The following RPTOR variants were observed in gnomAD, a reference collection of about 807,000 sequenced individuals.
RPTOR encodes the protein regulatory-associated protein of mTOR.
In RPTOR, 21 loss-of-function variants were observed where a neutral mutation model predicts 169.9. That is an observed-to-expected ratio of 0.12 (90% CI 0.09 to 0.18). The LOEUF (loss-of-function observed/expected upper bound fraction) is 0.18, where lower values mean the gene tolerates loss of function less well. Ranked by LOEUF, RPTOR falls within the 10% of genes least tolerant of loss-of-function variation. The pLI, the probability that RPTOR is intolerant of heterozygous loss-of-function variation, is 1.00. For synonymous variants in RPTOR, 732 were observed against 753.2 expected, an observed-to-expected ratio of 0.97 and a Z score of 0.46; for missense variants, 1,133 against 1,855.9, an observed-to-expected ratio of 0.61 and a Z score of 7.16.
intron 6 of RPTOR, among the ~76,000 whole-genome samples, chr17:80,790,127 G>A (rs960960251): frequency 1.3e-5 from 2 of 152,222 alleles, no homozygotes; most frequent in African/African-American, 2.4e-5. Context: ...TGCAAGTGAA[G>A]CCAGCAGAGG....
chr17:80,620,168 A>G (rs2143515935), intron 1 of RPTOR, among the ~76,000 whole-genome samples: 1 of 152,346 alleles, frequency 6.6e-6, no homozygotes, highest in African/African-American at 2.4e-5. Context: ...ATGCATTGTT[A>G]GTGAGCATTT....
chr17:80,787,289 G>C (rs1205436092), intron 6 of RPTOR, among the ~76,000 whole-genome samples: 16 of 152,164 alleles, frequency 1.1e-4, no homozygotes, highest in Admixed American at 1.0e-3. Flanking sequence ...GCATTGTGTT[G>C]CTCATGTTCC....
intron 3 of RPTOR, among the ~76,000 whole-genome samples, chr17:80,692,307 AT>A (rs2065999861): frequency 1.3e-5 from 2 of 150,218 alleles, no homozygotes; most frequent in African/African-American, 2.4e-5. Flanking sequence ...ATGTTATGTT[AT>A]GTTATGTTAT....
chr17:80,744,144 A>G (rs111396639), intron 5 of RPTOR, among the ~76,000 whole-genome samples: 519 of 1,292 alleles, frequency 0.4, 62 homozygotes, highest in Middle Eastern at 0.5. Context: ...TACTAGCACT[A>G]TCCTGGTTAC....
chr17:80,648,054 C>G (rs78330849), intron 3 of RPTOR, among the ~76,000 whole-genome samples: 9,862 of 152,192 alleles, frequency 0.065, 1,057 homozygotes, highest in African/African-American at 0.23. Context: ...TGCCTAACCC[C>G]AAGCAGAGTA....
In RPTOR at chr17:80,820,667, C is replaced by T. The variant is rs1475482308; in HGVS notation, c.891-1534C>T. Among the ~76,000 whole-genome samples the T allele has an allele frequency of 5.3e-5, 8 of 152,226 alleles. No individual in the cohort carries two copies. Among genetic ancestry groups the T allele is most frequent in the Non-Finnish European group, 1.5e-5 (1 of 68,044 alleles). On this transcript the variant is annotated intron_variant, in intron 7 of 33. Transcript: ENST00000306801. The surrounding 1 kb of genome is among the most constrained non-coding windows in gnomAD (Gnocchi z 4.1). ...GAGGGCAGGCAGCCTGGCCATTCCTCCTGCGCACAGTGGACATGCTTGTTC... is the reference window on the plus strand; with the variant it reads ...GAGGGCAGGCAGCCTGGCCATTCCTTCTGCGCACAGTGGACATGCTTGTTC...
chr17:80,946,984 C>CTTTG (rs149127561), intron 26 of RPTOR, among the ~76,000 whole-genome samples: 2 of 152,162 alleles, frequency 1.3e-5, no homozygotes, highest in Admixed American at 1.3e-4. Flanking sequence ...ATTATTCTCT[C>CTTTG]TTTGTTTGTT....
chr17:80,571,646 G>A (rs189130692), intron 1 of RPTOR, among the ~76,000 whole-genome samples: 8 of 151,878 alleles, frequency 5.3e-5, no homozygotes, highest in South Asian at 2.1e-4. Flanking sequence ...TCAGCTTCCC[G>A]GGTAACTGAG....
At chr17:80,898,360 T>C (rs2068432625) in intron 20 of RPTOR, among the ~76,000 whole-genome samples, 1 of 152,238 alleles carries the variant, frequency 6.6e-6, no homozygotes, top group Non-Finnish European at 1.5e-5. Flanking sequence ...GTTGTTTATT[T>C]GCCTTTTCCC....
chr17:80,892,914 T>C (rs1450577988), intron 19 of RPTOR, 45 bp downstream of exon 19: 1 of 1,595,742 alleles, frequency 6.3e-7, no homozygotes, highest in Non-Finnish European at 8.5e-7. Context: ...GAGATTGGGG[T>C]TGTTTTTTCT....
At position 80,583,752 on chromosome 17, in the gene RPTOR, C is replaced by A. The variant is rs537937544; in HGVS notation, c.162+37961C>A. 3.2e-4 allele frequency among the ~76,000 whole-genome samples: 48 copies of A among 152,306 alleles called. 1 individual carries two copies. The highest frequency in any genetic ancestry group is 1.1e-3 in the African/African-American group (45 of 41,574). On this transcript the variant is annotated intron_variant, in intron 1 of 33. Transcript: ENST00000306801. Reference sequence around the variant, plus strand: ...GAGGAAAGCTATTGTAGAGTAGAAACGAGAATGCACCCCCGGAATCAGCTC... The same window carrying A: ...GAGGAAAGCTATTGTAGAGTAGAAAAGAGAATGCACCCCCGGAATCAGCTC...
At chr17:80,747,738 T>C (rs2066589997) in intron 5 of RPTOR, among the ~76,000 whole-genome samples, 1 of 152,228 alleles carries the variant, frequency 6.6e-6, no homozygotes, top group Non-Finnish European at 1.5e-5. Context: ...CACAGACTTC[T>C]TGGTCCCTAA....
At chr17:80,837,424 G>A (rs1406263699) in intron 9 of RPTOR, among the ~76,000 whole-genome samples, 1 of 152,282 alleles carries the variant, frequency 6.6e-6, no homozygotes. Flanking sequence ...TGACCGCCAG[G>A]ACTCCTTTCC....
At chr17:80,840,451 C>G (rs1345138784) in intron 10 of RPTOR, among the ~76,000 whole-genome samples, 1 of 137,566 alleles carries the variant, frequency 7.3e-6, no homozygotes, top group Non-Finnish European at 1.5e-5. Context: ...GCAGCTCACT[C>G]TCTTTGCACC....
rs535055663 is a variant in RPTOR, at chr17:80,676,455, C to T, written c.349-31386C>T. 2.6e-5 allele frequency among the ~76,000 whole-genome samples: 4 copies of T among 152,232 alleles called. No individual in the cohort carries two copies. The East Asian group carries it at 7.7e-4, about 29-fold the overall frequency. ...GGTAGCCAGCACCAGGCATCAGGGC[C>T]CCCGGGACCTCTGGACATCAGCGCT... On this transcript the variant is annotated intron_variant, in intron 3 of 33. Transcript: ENST00000306801.
chr17:80,805,337 C>T (rs78781090), intron 7 of RPTOR: 7,613 of 152,388 alleles, frequency 0.05, 229 homozygotes, highest in South Asian at 0.092. Context: ...TGATGAGATG[C>T]AGCGTGCAGG....
Position 80,545,646 on chromosome 17 carries a change from T to A in RPTOR, c.17T>A (p.Leu6Gln). Residue 6 changes from leucine (L) to glutamine (Q), a missense_variant, in exon 1 of 34, where the codon CTG (leucine) becomes CAG (glutamine). Physicochemically the swap from Leu to Gln is moderately radical, Grantham distance 113. Around this residue, in one of 9 missense-constraint regions of RPTOR, gnomAD observed 47 missense variants for 59.5 expected, o/e 0.79. Transcript: ENST00000306801. The part of the protein sequence containing the change: MESEM[L>Q]QSPLLGLGEE... ...CCCCCACTGATGGAGTCCGAAATGCTGCAATCGCCTCTTCTGGGCCTGGGG... is the reference window on the plus strand; with the variant it reads ...CCCCCACTGATGGAGTCCGAAATGCAGCAATCGCCTCTTCTGGGCCTGGGG... 1 of 1,612,120 alleles carries A rather than the reference T, an allele frequency of 6.2e-7. No individual in the cohort carries two copies.
intron 13 of RPTOR, among the ~76,000 whole-genome samples, chr17:80,871,289 T>C (rs2143799369): frequency 6.6e-6 from 1 of 152,204 alleles, no homozygotes; most frequent in African/African-American, 2.4e-5. Flanking sequence ...TGTATTTTGT[T>C]TAGTAGAGAC....
chr17:80,809,916 A>G (rs1870225872), intron 7 of RPTOR, among the ~76,000 whole-genome samples: 1 of 151,972 alleles, frequency 6.6e-6, no homozygotes, highest in African/African-American at 2.4e-5. Flanking sequence ...ACACACCTGT[A>G]CTCCCAGCTA....
Sources: allele counts gnomAD v4.1 joint callset (sites outside exome capture counted in the v4.1 genomes callset), GRCh38; gene constraint gnomAD v4.1.1; regional missense constraint gnomAD v4.1.1; non-coding constraint Gnocchi (gnomAD v3.1); transcripts MANE v1.5; gene names NCBI Gene and HGNC (gene_info 2026-07-23, HGNC 2026-07-21).